PI4KA: variants seen among roughly 807,000 people sequenced by gnomAD.
PI4KA encodes PI4-kinase alpha.
A neutral mutation model predicts 271.4 loss-of-function variants in PI4KA; 122 were observed. That is an observed-to-expected ratio of 0.45 (90% CI 0.39 to 0.52). The LOEUF (loss-of-function observed/expected upper bound fraction) is 0.52. Among genes scored for constraint, PI4KA ranks in the 20% least tolerant of loss-of-function variants. The pLI, the probability that PI4KA is intolerant of heterozygous loss-of-function variation, is 0.00. For missense variants in PI4KA, 1,969 were observed against 2,769.1 expected (o/e 0.71, Z 6.48); for synonymous variants, 1,041 against 1,078.8 (o/e 0.96, Z 0.69).
At chr22:20,852,915 C>T (rs1927167666) in intron 1 of PI4KA, among the ~76,000 whole-genome samples, 1 of 152,166 alleles carries the variant, frequency 6.6e-6, no homozygotes, top group Non-Finnish European at 1.5e-5. Flanking sequence ...GAGGGTTCAG[C>T]CTGTCCCTAA....
At chr22:20,779,677 G>A (rs776080500) in intron 19 of PI4KA, 8 of 1,614,130 alleles carry the variant, frequency 5.0e-6, no homozygotes, top group South Asian at 3.3e-5. Flanking sequence ...GGCAAGAGCC[G>A]GATCCAGCGT....
chr22:20,771,472 C>G (rs1397191055), intron 19 of PI4KA, among the ~76,000 whole-genome samples: 1 of 151,692 alleles, frequency 6.6e-6, no homozygotes, highest in East Asian at 1.9e-4. Context: ...GGGAAAATGA[C>G]TGAAAAATGT....
chr22:20,845,240 A>G (rs1926092991), intron 1 of PI4KA, among the ~76,000 whole-genome samples: 1 of 152,242 alleles, frequency 6.6e-6, no homozygotes, highest in Admixed American at 6.5e-5. Flanking sequence ...ATGCTAAACC[A>G]AGGAGAAAAT....
intron 23 of PI4KA, among the ~76,000 whole-genome samples, chr22:20,754,109 C>T (rs1191061175): frequency 6.6e-6 from 1 of 151,754 alleles, no homozygotes; most frequent in East Asian, 1.9e-4. Flanking sequence ...TTTTTTGAGA[C>T]AGGGTCTCAC....
intron 1 of PI4KA, among the ~76,000 whole-genome samples, chr22:20,850,198 C>T (rs890197612): frequency 1.3e-5 from 2 of 152,004 alleles, no homozygotes; most frequent in Non-Finnish European, 2.9e-5. Context: ...AAGCAACTGC[C>T]GACCAGAACA....
At chr22:20,716,168 A>G (rs1041964406) in intron 45 of PI4KA, among the ~76,000 whole-genome samples, 7 of 152,080 alleles carry the variant, frequency 4.6e-5, no homozygotes, top group Non-Finnish European at 8.8e-5. Flanking sequence ...CTCCTGCCTC[A>G]GCCTCCCGAG....
intron 15 of PI4KA, 46 bp downstream of exon 15, chr22:20,799,625 G>T: frequency 7.3e-7 from 1 of 1,369,404 alleles, no homozygotes; most frequent in Non-Finnish European, 1.0e-6. Context: ...ACACGAGCCT[G>T]CTGAGAACAA....
At chr22:20,732,099 G>A (rs1343451534) in intron 36 of PI4KA, among the ~76,000 whole-genome samples, 18 of 151,430 alleles carry the variant, frequency 1.2e-4, no homozygotes, top group East Asian at 3.9e-4. Flanking sequence ...GCACATACCC[G>A]GGAGGCAGAG....
At chr22:20,796,016 G>T in intron 18 of PI4KA, 130 bp downstream of exon 18, 1 of 832,180 alleles carries the variant, frequency 1.2e-6, no homozygotes, top group Non-Finnish European at 1.9e-6. Context: ...CTTCTTACTT[G>T]CATTCCAGGC....
Position 20,838,727 on chromosome 22 carries a change from T to C in PI4KA, c.161A>G (p.Gln54Arg). 6.3e-7 allele frequency: 1 copy of C among 1,599,350 alleles called. No individual in the cohort carries two copies. Among genetic ancestry groups the C allele is most frequent in the Non-Finnish European group, 8.6e-7 (1 of 1,169,020 alleles). ...VQRPASLEKV[Q>R]KLLCMCPVDF... is the part of the protein sequence containing the mutation. ...CACTGGACACATGCAAAGAAGCTTT[T>C]GGACCTAGAAAATGAGACCCCCCCA... The change falls in exon 2 of 55, where the codon CAA (glutamine) becomes CGA (arginine). Residue 54 changes from glutamine to arginine, a missense_variant. Physicochemically the swap from Gln to Arg is conservative, Grantham distance 43. Coordinates refer to ENST00000255882, the MANE Select transcript of PI4KA (RefSeq NM_058004.4).
chr22:20,813,404 T>G lies in PI4KA; in HGVS notation c.959A>C (p.Lys320Thr). 1.1e-5 allele frequency: 18 copies of G among 1,613,764 alleles called. No individual in the cohort carries two copies. The highest frequency in any genetic ancestry group is 1.5e-5 in the Non-Finnish European group (18 of 1,179,632). Residue 320 changes from lysine to threonine, a missense_variant, in exon 8 of 55, where the codon AAG becomes ACG. Physicochemically the swap from Lys to Thr is moderately conservative, Grantham distance 78. This residue lies in a region of PI4KA where 540 missense variants were observed against 555.5 expected (regional missense o/e 0.97). Coordinates refer to ENST00000255882, the MANE Select transcript of PI4KA (RefSeq NM_058004.4). Reference sequence around the variant, plus strand: ...CATTTCCAATGGAATGTTAAACTCCTTATATGTGACACCGTTGAAAAGGGG... The same window carrying G: ...CATTTCCAATGGAATGTTAAACTCCGTATATGTGACACCGTTGAAAAGGGG... ...VSPLFNGVTY[K>T]EFNIPLEMLR... is the part of the protein sequence containing the mutation.
At chr22:20,804,750 C>T (rs1436699031) in intron 11 of PI4KA, among the ~76,000 whole-genome samples, 1 of 152,228 alleles carries the variant, frequency 6.6e-6, no homozygotes, top group African/African-American at 2.4e-5. Flanking sequence ...CACGGGCATC[C>T]CCATCCTCCC....
intron 10 of PI4KA, among the ~76,000 whole-genome samples, chr22:20,807,042 T>G (rs1025286308): frequency 2.0e-5 from 3 of 152,182 alleles, no homozygotes; most frequent in Non-Finnish European, 4.4e-5. Flanking sequence ...GCCTCTTTTT[T>G]AATTTTTTAA....
At chr22:20,765,456 C>A in intron 20 of PI4KA, 129 bp downstream of exon 20, 1 of 770,484 alleles carries the variant, frequency 1.3e-6, no homozygotes, top group Non-Finnish European at 2.2e-6. Flanking sequence ...CTTGCTAATA[C>A]TTGCAGAAAG....
At position 20,819,846 on chromosome 22, in the gene PI4KA, C is replaced by A; in HGVS notation, c.584G>T (p.Gly195Val). 1 of 1,613,940 alleles carries A rather than the reference C, an allele frequency of 6.2e-7. No homozygotes were observed. The highest frequency in any genetic ancestry group is 1.1e-5 in the South Asian group (1 of 91,070). ...AGACTCTTCCATGTTGCTGTAACGCCCAAATGCTCGCGAGATTCCTATCAG... is the reference window on the plus strand; with the variant it reads ...AGACTCTTCCATGTTGCTGTAACGCACAAATGCTCGCGAGATTCCTATCAG... Reference protein sequence around the residue: ...PCLIGISRAFGRYSNMEESLL... With the variant: ...PCLIGISRAFVRYSNMEESLL... Residue 195 changes from glycine to valine, a missense_variant, in exon 6 of 55, where the codon GGG becomes GTG. Physicochemically the swap from Gly to Val is moderately radical, Grantham distance 109. Around this residue, in one of 13 missense-constraint regions of PI4KA, gnomAD observed 540 missense variants for 555.5 expected, o/e 0.97. Coordinates refer to ENST00000255882, the MANE Select transcript of PI4KA (RefSeq NM_058004.4).
chr22:20,804,201 C>T (rs1186783048), intron 12 of PI4KA, 99 bp downstream of exon 12: 18 of 803,926 alleles, frequency 2.2e-5, no homozygotes, highest in Non-Finnish European at 3.5e-5. Context: ...GCAGGGTCTC[C>T]GCTGCTGGTG....
intron 39 of PI4KA, 63 bp from the exon 40 acceptor site, chr22:20,727,927 A>G: frequency 1.6e-6 from 2 of 1,254,516 alleles, no homozygotes; most frequent in South Asian, 1.3e-5. Context: ...CTCCCACCAC[A>G]CTGGAGTGAG....
chr22:20,770,074 G>T (rs1283416790), intron 19 of PI4KA, among the ~76,000 whole-genome samples: 1 of 152,064 alleles, frequency 6.6e-6, no homozygotes, highest in African/African-American at 2.4e-5. Context: ...TAGAGACAGG[G>T]TCTCACTCTG....
intron 19 of PI4KA, among the ~76,000 whole-genome samples, chr22:20,767,606 G>A (rs1377776769): frequency 6.6e-6 from 1 of 151,896 alleles, no homozygotes; most frequent in East Asian, 1.9e-4. Flanking sequence ...GGGAGGACAG[G>A]TGTGCTCCAC....
Sources: allele counts gnomAD v4.1 joint callset (sites outside exome capture counted in the v4.1 genomes callset), GRCh38; gene constraint gnomAD v4.1.1; regional missense constraint gnomAD v4.1.1; transcripts MANE v1.5; gene names NCBI Gene and HGNC (gene_info 2026-07-23, HGNC 2026-07-21).